HNRNPD: variants seen among roughly 807,000 people sequenced by gnomAD.
HNRNPD encodes heterogeneous nuclear ribonucleoprotein D.
HNRNPD carries 3 observed loss-of-function variants against 47.9 expected under a neutral mutation model. The observed-to-expected ratio is 0.06, with a 90% confidence interval of 0.03 to 0.16. The LOEUF (loss-of-function observed/expected upper bound fraction) is 0.16, where lower values mean the gene tolerates loss of function less well. Ranked by LOEUF, HNRNPD falls within the 10% of genes least tolerant of loss-of-function variation. The pLI, the probability that HNRNPD is intolerant of heterozygous loss-of-function variation, is 1.00. For synonymous variants in HNRNPD, 171 were observed against 165.1 expected (o/e 1.04, Z -0.28); for missense variants, 287 against 454.2 (o/e 0.63, Z 3.35).
chr4:82,363,054 A>G (rs3972754), intron 2 of HNRNPD, among the ~76,000 whole-genome samples: 24,577 of 148,208 alleles, frequency 0.17, 2,256 homozygotes, highest in Non-Finnish European at 0.21. Context: ...GTGTGTATAT[A>G]TATATATATA....
chr4:82,357,672 G>A (rs372512592), intron 4 of HNRNPD: 3 of 344,360 alleles, frequency 8.7e-6, no homozygotes, highest in African/African-American at 2.1e-5. Flanking sequence ...GCTTTACCAC[G>A]CACTGACATT....
At chr4:82,360,374 C>G (rs1256863720) in intron 2 of HNRNPD, among the ~76,000 whole-genome samples, 1 of 151,688 alleles carries the variant, frequency 6.6e-6, no homozygotes, top group African/African-American at 2.4e-5. Context: ...AACGTATATA[C>G]TCAAAATAAA....
intron 5 of HNRNPD, 55 bp downstream of exon 5, chr4:82,357,258 T>A: frequency 1.3e-6 from 2 of 1,526,816 alleles, no homozygotes; most frequent in South Asian, 2.5e-5. Flanking sequence ...AGATAAATGG[T>A]TAAGCTCTTT....
At chr4:82,372,611 G>A (rs1020211277) in intron 1 of HNRNPD, among the ~76,000 whole-genome samples, 2 of 152,100 alleles carry the variant, frequency 1.3e-5, no homozygotes, top group African/African-American at 4.8e-5. Flanking sequence ...AATAGCTGAG[G>A]GCGCGAAAAG....
chr4:82,357,223 A>G (rs1188174410), intron 5 of HNRNPD, 90 bp downstream of exon 5: 3 of 1,402,230 alleles, frequency 2.1e-6, no homozygotes. Flanking sequence ...TAAAGCATGC[A>G]AAGAACTTAA....
At position 82,373,532 on chromosome 4, in the gene HNRNPD, GC is replaced by G; in HGVS notation, c.146del (p.Gly49AlafsTer53). ...CTTCGGTGCCTCCAGACGCGGTTCCGCCCCCGGTCCCGGCTCCGCTTCCCGC... is the reference window on the plus strand; with the variant it reads ...CTTCGGTGCCTCCAGACGCGGTTCCGCCCCGGTCCCGGCTCCGCTTCCCGC... ...AAAGSGAGTG[G>X]GTASGGTEGG... is the part of the protein sequence containing the mutation. On this transcript the variant is annotated frameshift_variant, in exon 1 of 9. Coordinates refer to ENST00000313899, the MANE Select transcript of HNRNPD (RefSeq NM_031370.3). LOFTEE classifies it high-confidence loss of function. 1 of 1,538,724 alleles carries G rather than the reference GC, an allele frequency of 6.5e-7. No individual in the cohort carries two copies. Among genetic ancestry groups the G allele is most frequent in the African/African-American group, 1.4e-5 (1 of 70,872 alleles).
chr4:82,357,241 C>A, intron 5 of HNRNPD, 72 bp downstream of exon 5: 1 of 1,477,020 alleles, frequency 6.8e-7, no homozygotes. Context: ...TAAGCCTTTA[C>A]AGAGAAAGAT....
At chr4:82,359,004 G>A (rs1723847717) in intron 3 of HNRNPD, among the ~76,000 whole-genome samples, 184 bp from the exon 4 acceptor site, 2 of 151,966 alleles carry the variant, frequency 1.3e-5, no homozygotes, top group Non-Finnish European at 2.9e-5. Flanking sequence ...TAAATCTAAA[G>A]GTAAGAATGG....
intron 4 of HNRNPD, chr4:82,357,726 A>C: frequency 4.2e-6 from 1 of 240,052 alleles, no homozygotes; most frequent in Non-Finnish European, 8.0e-6. Flanking sequence ...CCCACAAAGA[A>C]CAAGAAGAAA....
intron 2 of HNRNPD, among the ~76,000 whole-genome samples, chr4:82,362,065 G>A (rs1719479227): frequency 1.3e-5 from 2 of 152,102 alleles, no homozygotes; most frequent in African/African-American, 4.8e-5. Flanking sequence ...TCAATCATTT[G>A]AAATGAGATT....
rs1416326824 is a variant in HNRNPD, at chr4:82,371,537, C to T, written c.281G>A (p.Arg94Gln). The part of the protein sequence containing the change: ...PRHSEAATAQ[R>Q]EEWKMFIGGL... ...AATTTAAAAGTTTTACCATTCTTCCCGCTGTGCCGTCGCTGCTTCAGAGTG... is the reference window on the plus strand; with the variant it reads ...AATTTAAAAGTTTTACCATTCTTCCTGCTGTGCCGTCGCTGCTTCAGAGTG... The change falls in exon 2 of 9, where the codon CGG becomes CAG. Residue 94 changes from arginine to glutamine, a missense_variant. Arg to Gln is a conservative substitution (Grantham distance 43). Around this residue, in one of 5 missense-constraint regions of HNRNPD, gnomAD observed 22 missense variants for 74.6 expected, o/e 0.30. Transcript: ENST00000313899. The T allele has an allele frequency of 6.2e-7, 1 of 1,612,674 alleles. No individual in the cohort carries two copies.
At chr4:82,367,857 C>A (rs1578055382) in intron 2 of HNRNPD, among the ~76,000 whole-genome samples, 1 of 152,210 alleles carries the variant, frequency 6.6e-6, no homozygotes, top group Non-Finnish European at 1.5e-5. Context: ...TAAATACACA[C>A]AAGCTATGAA....
intron 4 of HNRNPD, chr4:82,358,259 A>T (rs1723812552): frequency 6.3e-6 from 1 of 158,242 alleles, no homozygotes; most frequent in Non-Finnish European, 1.4e-5. Context: ...CTCACTAATG[A>T]GTCTATAATG....
chr4:82,358,576 G>A (rs1310213095), intron 4 of HNRNPD, 83 bp downstream of exon 4: 2 of 1,268,036 alleles, frequency 1.6e-6, no homozygotes, highest in African/African-American at 3.0e-5. Context: ...GCTTTGAAAA[G>A]CCAAGTGACT....
At chr4:82,363,144 T>C (rs976457570) in intron 2 of HNRNPD, among the ~76,000 whole-genome samples, 6 of 151,948 alleles carry the variant, frequency 3.9e-5, no homozygotes, top group African/African-American at 1.5e-4. Flanking sequence ...TGGCATGATC[T>C]AGGCTCACTG....
chr4:82,362,863 C>T (rs913748402), intron 2 of HNRNPD, among the ~76,000 whole-genome samples: 1 of 151,966 alleles, frequency 6.6e-6, no homozygotes, highest in African/African-American at 2.4e-5. Context: ...GCCTCCCAAA[C>T]TGCTGGGATT....
At chr4:82,360,905 ACAAAG>A (rs1209314128) in intron 2 of HNRNPD, among the ~76,000 whole-genome samples, 1 of 152,186 alleles carries the variant, frequency 6.6e-6, no homozygotes, top group Non-Finnish European at 1.5e-5. Context: ...ACTTCTAGTG[ACAAAG>A]CAAACTTTCA....
chr4:82,368,968 T>C (rs1719896114), intron 2 of HNRNPD, among the ~76,000 whole-genome samples: 1 of 152,190 alleles, frequency 6.6e-6, no homozygotes, highest in African/African-American at 2.4e-5. Flanking sequence ...TCTACTGTCC[T>C]GTTATTAAAG....
intron 5 of HNRNPD, among the ~76,000 whole-genome samples, 165 bp downstream of exon 5, chr4:82,357,148 A>C (rs1560433545): frequency 6.6e-6 from 1 of 152,226 alleles, no homozygotes; most frequent in Non-Finnish European, 1.5e-5. Context: ...AAAAACACTA[A>C]CAAATGTGTC....
Sources: gnomAD v4.1 joint callset for allele counts (sites outside exome capture counted in the v4.1 genomes callset) on GRCh38, gnomAD v4.1.1 for gene constraint, gnomAD v4.1.1 regional missense constraint, MANE v1.5 for transcripts, NCBI Gene and HGNC (gene_info 2026-07-23, HGNC 2026-07-21) for gene names.